TENM4: variants seen among roughly 807,000 people sequenced by gnomAD.
The protein encoded by TENM4 is teneurin transmembrane protein 4.
Under a neutral mutation model 243.3 loss-of-function variants are expected in TENM4, and 82 were observed. That is an observed-to-expected ratio of 0.34 (90% CI 0.28 to 0.40). The LOEUF is 0.40. Among genes scored for constraint, TENM4 ranks in the 10% least tolerant of loss-of-function variants. The pLI, the probability that TENM4 is intolerant of heterozygous loss-of-function variation, is 1.00. For synonymous variants in TENM4, 1,412 were observed against 1,456.3 expected (o/e 0.97, Z 0.69); for missense variants, 3,138 against 3,673.3 (o/e 0.85, Z 3.77).
intron 15 of TENM4, among the ~76,000 whole-genome samples, chr11:78,801,288 CA>C (rs1244175823): frequency 6.6e-6 from 1 of 152,194 alleles, no homozygotes; most frequent in East Asian, 1.9e-4. Context: ...CCATCACTAC[CA>C]CCACCATGAT....
chr11:79,289,394 G>A (rs897564016), intron 2 of TENM4, among the ~76,000 whole-genome samples: 3 of 152,214 alleles, frequency 2.0e-5, no homozygotes, highest in African/African-American at 7.2e-5. Flanking sequence ...GACTGTTGCT[G>A]TTGGCTGCTG....
chr11:78,992,410 T>C (rs1376226284), intron 6 of TENM4, among the ~76,000 whole-genome samples: 1 of 152,248 alleles, frequency 6.6e-6, no homozygotes, highest in Admixed American at 6.5e-5. Flanking sequence ...TCTCTTGTAC[T>C]GATCTCATTT....
At chr11:79,099,549 T>C (rs2137074424) in intron 4 of TENM4, among the ~76,000 whole-genome samples, 1 of 152,340 alleles carries the variant, frequency 6.6e-6, no homozygotes, top group Admixed American at 6.5e-5. Context: ...AACTATTTCA[T>C]GCAGATTTTC....
chr11:78,915,111 G>T (rs944476187), intron 6 of TENM4, among the ~76,000 whole-genome samples: 1 of 152,208 alleles, frequency 6.6e-6, no homozygotes, highest in Non-Finnish European at 1.5e-5. Flanking sequence ...AAGGTGCCAA[G>T]GTTAACAGGT....
chr11:78,831,356 C>A (rs565831856), intron 12 of TENM4, among the ~76,000 whole-genome samples: 1 of 152,368 alleles, frequency 6.6e-6, no homozygotes, highest in African/African-American at 2.4e-5. Flanking sequence ...CAGCTCCCAG[C>A]TCCTGGCCGG....
chr11:78,686,537 A>G (rs1296974856), intron 29 of TENM4, among the ~76,000 whole-genome samples: 1 of 142,382 alleles, frequency 7.0e-6, no homozygotes, highest in Non-Finnish European at 1.5e-5. Flanking sequence ...CTGAAGTATG[A>G]TAGATGGGGT....
At chr11:78,768,879 A>C (rs1420630121) in intron 18 of TENM4, among the ~76,000 whole-genome samples, 1 of 152,190 alleles carries the variant, frequency 6.6e-6, no homozygotes, top group East Asian at 1.9e-4. Flanking sequence ...GGTGCATTCT[A>C]GTGCTAGGAG....
At chr11:79,019,715 A>G (rs767477083) in intron 6 of TENM4, among the ~76,000 whole-genome samples, 1 of 152,218 alleles carries the variant, frequency 6.6e-6, no homozygotes, top group Non-Finnish European at 1.5e-5. Context: ...AGATGCCATC[A>G]TTATCTTCAA....
chr11:79,084,527 C>T (rs758476369), intron 4 of TENM4, among the ~76,000 whole-genome samples: 13 of 152,194 alleles, frequency 8.5e-5, no homozygotes, highest in Non-Finnish European at 1.6e-4. Flanking sequence ...AATATGACTC[C>T]GTGATAAAAA....
chr11:78,744,344 C>T (rs1181542646), intron 19 of TENM4, among the ~76,000 whole-genome samples: 3 of 152,216 alleles, frequency 2.0e-5, no homozygotes, highest in Non-Finnish European at 2.9e-5. Flanking sequence ...TGCCTATATA[C>T]GTATTCTTGG....
rs577688888 is a variant in TENM4, at chr11:78,844,640, A to T, written c.1681+9464T>A. Among the ~76,000 whole-genome samples, 606 of 131,994 alleles carry T rather than the reference A, an allele frequency of 4.6e-3. 1 individual carries two copies. The highest frequency in any genetic ancestry group is 0.015 in the African/African-American group (568 of 36,886). 86.6% of individuals were successfully genotyped at this position (131,994 alleles called of 152,430 possible). ...CTGGCAACAGAGTGAGACTCTGTCTAAAAAAAAAAAAAGGAGGAAAAGACA... is the reference window on the plus strand; with the variant it reads ...CTGGCAACAGAGTGAGACTCTGTCTTAAAAAAAAAAAAGGAGGAAAAGACA... On this transcript the variant is annotated intron_variant, in intron 12 of 33. Transcript: ENST00000278550.
At position 78,889,928 on chromosome 11, in the gene TENM4, G is replaced by C; in HGVS notation, c.941C>G (p.Pro314Arg). The C allele has an allele frequency of 6.4e-7, 1 of 1,551,718 alleles. No individual in the cohort carries two copies. Among genetic ancestry groups the C allele is most frequent in the Non-Finnish European group, 8.7e-7 (1 of 1,147,010 alleles). The change falls in exon 9 of 34, where the codon CCG (proline) becomes CGG (arginine). Residue 314 changes from proline to arginine, a missense_variant. Around this residue, in one of 2 missense-constraint regions of TENM4, gnomAD observed 671 missense variants for 614.1 expected, o/e 1.09. Coordinates refer to ENST00000278550, the MANE Select transcript of TENM4 (RefSeq NM_001098816.3). Reference protein sequence around the residue: ...PLTSSTVYSPPPRPLPRSTFA... With the variant: ...PLTSSTVYSPRPRPLPRSTFA... ...GGTGCTGCGGGGCAGGGGTCGGGGC[G>C]GAGGAGAGTACACTGTGCTGGACGT...
intron 6 of TENM4, among the ~76,000 whole-genome samples, chr11:79,012,613 T>C (rs879172729): frequency 2.6e-5 from 4 of 152,176 alleles, no homozygotes; most frequent in African/African-American, 4.8e-5. Context: ...TCTGAAAACA[T>C]GAAGGATTAT....
chr11:78,896,320 C>T (rs1005183391), intron 7 of TENM4, among the ~76,000 whole-genome samples: 2 of 152,088 alleles, frequency 1.3e-5, no homozygotes, highest in African/African-American at 2.4e-5. Flanking sequence ...GCCAAGACCA[C>T]ACAGAGTTAG....
intron 4 of TENM4, among the ~76,000 whole-genome samples, chr11:79,131,894 T>C (rs936001287): frequency 2.6e-4 from 39 of 152,252 alleles, no homozygotes; most frequent in African/African-American, 8.9e-4. Context: ...GCTATTCTTA[T>C]ATCAGACAAA....
intron 6 of TENM4, among the ~76,000 whole-genome samples, chr11:78,909,263 C>A (rs1027401399): frequency 1.3e-5 from 2 of 152,184 alleles, no homozygotes; most frequent in Non-Finnish European, 2.9e-5. Flanking sequence ...ATCATCATCG[C>A]ATACATTAGT....
At chr11:79,015,633 A>G (rs1273037380) in intron 6 of TENM4, among the ~76,000 whole-genome samples, 1 of 152,212 alleles carries the variant, frequency 6.6e-6, no homozygotes, top group East Asian at 1.9e-4. Flanking sequence ...TGGAAGAACC[A>G]GAGAAAGGCG....
intron 3 of TENM4, among the ~76,000 whole-genome samples, chr11:79,171,165 A>G (rs1366361832): frequency 6.6e-6 from 1 of 152,216 alleles, no homozygotes; most frequent in East Asian, 1.9e-4. Flanking sequence ...GAGGGGAAGA[A>G]TTTGTGTCAG....
intron 6 of TENM4, among the ~76,000 whole-genome samples, chr11:79,043,606 G>T (rs1349301174): frequency 6.6e-6 from 1 of 152,132 alleles, no homozygotes; most frequent in East Asian, 1.9e-4. Context: ...ACCCTCTGTT[G>T]TTAATTTAGC....
Sources: gnomAD v4.1 joint callset for allele counts (sites outside exome capture counted in the v4.1 genomes callset) on GRCh38, gnomAD v4.1.1 for gene constraint, gnomAD v4.1.1 regional missense constraint, MANE v1.5 for transcripts, NCBI Gene and HGNC (gene_info 2026-07-23, HGNC 2026-07-21) for gene names.